Variants in MREG observed in about 807,000 individuals in gnomAD.
The protein encoded by MREG is melanoregulin.
A neutral mutation model predicts 28.5 loss-of-function variants in MREG; 31 were observed. The ratio of observed to expected loss-of-function variants is 1.09; its 90% confidence interval spans 0.82 to 1.47. The LOEUF is 1.47. MREG is among the 40% of genes most tolerant of loss of function. The pLI, the probability that MREG is intolerant of heterozygous loss-of-function variation, is 0.00. For missense variants in MREG, 256 were observed against 257.4 expected (o/e 0.99, Z 0.04); for synonymous variants, 106 against 95.2 (o/e 1.11, Z -0.66).
chr2:216,012,117 G>A (rs928612322), intron 1 of MREG, among the ~76,000 whole-genome samples: 3 of 152,210 alleles, frequency 2.0e-5, no homozygotes, highest in African/African-American at 7.2e-5. Flanking sequence ...AGAAGAGGAA[G>A]ATGGATAAGG....
chr2:215,953,899 T>C (rs1344696), intron 2 of MREG, among the ~76,000 whole-genome samples: 73,776 of 152,140 alleles, frequency 0.48, 18,281 homozygotes, highest in Middle Eastern at 0.64. Context: ...CACCCTTGCC[T>C]CCAGGAAAAA....
At chr2:215,978,409 A>C (rs1407443680) in intron 2 of MREG, among the ~76,000 whole-genome samples, 2 of 152,218 alleles carry the variant, frequency 1.3e-5, no homozygotes, top group African/African-American at 2.4e-5. Flanking sequence ...CCAACTGAAA[A>C]AAGTCCAGAA....
At chr2:215,982,333 G>T (rs1332397437) in intron 2 of MREG, among the ~76,000 whole-genome samples, 2 of 75,524 alleles carry the variant, frequency 2.6e-5, no homozygotes, top group South Asian at 4.2e-4. Flanking sequence ...GCAAAACTCC[G>T]TCAAAAAAAA....
intron 4 of MREG, among the ~76,000 whole-genome samples, 165 bp downstream of exon 4, chr2:215,945,406 A>C (rs904673945): frequency 1.3e-5 from 2 of 152,216 alleles, no homozygotes; most frequent in South Asian, 2.1e-4. Context: ...TCTTTAGGTG[A>C]TTCTGATGCT....
intron 2 of MREG, among the ~76,000 whole-genome samples, chr2:215,982,741 T>C (rs1294233309): frequency 6.6e-6 from 1 of 152,178 alleles, no homozygotes; most frequent in Non-Finnish European, 1.5e-5. Context: ...TCATGCAGGT[T>C]TCTGGGTCAC....
chr2:215,967,232 G>A (rs1692966605), intron 2 of MREG, among the ~76,000 whole-genome samples: 1 of 152,062 alleles, frequency 6.6e-6, no homozygotes, highest in South Asian at 2.1e-4. Flanking sequence ...CCTTTACCTT[G>A]TCAGTCATCT....
chr2:215,982,775 T>A (rs1021044319), intron 2 of MREG, among the ~76,000 whole-genome samples: 1 of 152,226 alleles, frequency 6.6e-6, no homozygotes, highest in Non-Finnish European at 1.5e-5. Flanking sequence ...GGGATCCCAA[T>A]GCTCCCAGTC....
chr2:216,031,671 G>T (rs796810468), intron 1 of MREG, among the ~76,000 whole-genome samples: 2 of 79,036 alleles, frequency 2.5e-5, no homozygotes, highest in African/African-American at 1.1e-4. Flanking sequence ...AAGAAAGAAA[G>T]AAAGAAAGAA....
Position 216,013,463 on chromosome 2 carries a change from G to A in MREG, c.-136C>T. 1 of 372,894 alleles carries A rather than the reference G, an allele frequency of 2.7e-6. No homozygotes were observed. Among genetic ancestry groups the A allele is most frequent in the Non-Finnish European group, 4.1e-6 (1 of 241,268 alleles). The allele number at this position is 372,894 out of a possible 1,614,324, so 23.1% of individuals were successfully genotyped here. The stretch of plus-strand genomic sequence containing the variant: ...CAGCCCGGGCGTCGCGGGCTGGTCC[G>A]CGCGCATCACGCCGCGGCCGGGGAC... On this transcript the variant is annotated 5_prime_UTR_variant, in exon 1 of 5. Transcript: ENST00000263268.
intron 2 of MREG, among the ~76,000 whole-genome samples, chr2:215,973,449 CCAGTCCA>C (rs768809661): frequency 6.6e-6 from 1 of 152,152 alleles, no homozygotes. Flanking sequence ...GACACCCTGT[CCAGTCCA>C]CAGTCCACAG....
intron 1 of MREG, among the ~76,000 whole-genome samples, chr2:216,031,429 AAAAG>A (rs201925622): frequency 9.4e-5 from 7 of 74,564 alleles, no homozygotes; most frequent in Non-Finnish European, 1.7e-4. Context: ...AGAAAGAAAG[AAAAG>A]AAAGAAAGAA....
chr2:215,944,657 T>G lies in MREG; in HGVS notation c.*206A>C. The G allele has an allele frequency of 1.7e-5, 7 of 419,384 alleles. No homozygotes were observed. Among genetic ancestry groups the G allele is most frequent in the Non-Finnish European group, 2.1e-5 (5 of 240,530 alleles). The allele number at this position is 419,384 out of a possible 1,614,324, so 26.0% of individuals were successfully genotyped here. A position where few individuals can be genotyped will look rare whatever the true frequency, so the allele number is the denominator to read the frequency against. On this transcript the variant is annotated 3_prime_UTR_variant, in exon 5 of 5. Transcript: ENST00000263268. ...AACTCTTTAACTTTCTTCCTAAATA[T>G]GAGATCACCAAGGCGTTTCAATGCA...
At chr2:215,993,758 T>C (rs919511077) in intron 2 of MREG, among the ~76,000 whole-genome samples, 11 of 152,302 alleles carry the variant, frequency 7.2e-5, no homozygotes, top group African/African-American at 2.6e-4. Flanking sequence ...GCAAAGGATA[T>C]GAACAGACAC....
At chr2:215,940,715 A>G (rs1038588742), downstream of MREG, among the ~76,000 whole-genome samples, 5 of 152,212 alleles carry the variant, frequency 3.3e-5, no homozygotes, top group Admixed American at 6.5e-5. Context: ...GTCTATTAGC[A>G]AATTCCTGTG....
At chr2:215,992,528 G>C (rs12997248) in intron 2 of MREG, among the ~76,000 whole-genome samples, 25,916 of 152,034 alleles carry the variant, frequency 0.17, 2,453 homozygotes, top group East Asian at 0.41. Flanking sequence ...CCTCTCTCAC[G>C]ACTCCTATTC....
intron 1 of MREG, among the ~76,000 whole-genome samples, chr2:216,003,444 C>T (rs1020128214): frequency 2.6e-5 from 4 of 152,174 alleles, no homozygotes; most frequent in South Asian, 4.1e-4. Context: ...TAAGGAAACA[C>T]GAGGGCTCAG....
chr2:215,987,618 C>T (rs1693607247), intron 2 of MREG, among the ~76,000 whole-genome samples: 1 of 152,044 alleles, frequency 6.6e-6, no homozygotes. Context: ...CAGTGGCTCA[C>T]ATCTGTAATT....
In MREG at chr2:216,007,563, G is replaced by A. The variant is rs374810659; in HGVS notation, c.95+5670C>T. Reference sequence around the variant, plus strand: ...TCCTGTCTCAGCCTCCAGAGTAGCTGGGATTACAGGCATGTGCCACCACGC... The same window carrying A: ...TCCTGTCTCAGCCTCCAGAGTAGCTAGGATTACAGGCATGTGCCACCACGC... On this transcript the variant is annotated intron_variant, in intron 1 of 4. Transcript: ENST00000263268. 4.6e-5 allele frequency among the ~76,000 whole-genome samples: 7 copies of A among 151,986 alleles called. No individual in the cohort carries two copies. The East Asian group carries it at 5.8e-4, about 13-fold the overall frequency.
chr2:215,954,847 G>A (rs569622312), intron 2 of MREG, among the ~76,000 whole-genome samples: 2 of 152,184 alleles, frequency 1.3e-5, no homozygotes, highest in East Asian at 1.9e-4. Flanking sequence ...GGGATTACAG[G>A]CACGCACCAC....
Sources: allele counts gnomAD v4.1 joint callset (sites outside exome capture counted in the v4.1 genomes callset), GRCh38; gene constraint gnomAD v4.1.1; transcripts MANE v1.5; gene names NCBI Gene and HGNC (gene_info 2026-07-23, HGNC 2026-07-21).